ATP8A2: variants seen among roughly 807,000 people sequenced by gnomAD.
The protein encoded by ATP8A2 is phospholipid-transporting ATPase IB.
In ATP8A2, 100 loss-of-function variants were observed where a neutral mutation model predicts 165.6. That is an observed-to-expected ratio of 0.60 (90% confidence interval 0.51 to 0.71). ATP8A2 has a LOEUF of 0.71. Ranked by LOEUF, ATP8A2 falls within the 30% of genes least tolerant of loss-of-function variation. The pLI, the probability that ATP8A2 is intolerant of heterozygous loss-of-function variation, is 0.00. For synonymous variants in ATP8A2, 543 were observed against 548.8 expected, an observed-to-expected ratio of 0.99 and a Z score of 0.15; for missense variants, 1,227 against 1,479.5, an observed-to-expected ratio of 0.83 and a Z score of 2.80.
At chr13:25,422,450 G>A (rs755830952) in intron 1 of ATP8A2, among the ~76,000 whole-genome samples, 7 of 152,136 alleles carry the variant, frequency 4.6e-5, no homozygotes, top group Non-Finnish European at 5.9e-5. Flanking sequence ...TAAAATCCCC[G>A]TTGACATTGT....
At chr13:25,913,769 A>G (rs1027918501) in intron 33 of ATP8A2, among the ~76,000 whole-genome samples, 10 of 152,230 alleles carry the variant, frequency 6.6e-5, no homozygotes, top group African/African-American at 2.4e-4. Context: ...GAGTTAGGAA[A>G]TTAGTATAGT....
chr13:25,819,470 C>A (rs1404463039), intron 27 of ATP8A2, among the ~76,000 whole-genome samples: 1 of 152,100 alleles, frequency 6.6e-6, no homozygotes, highest in African/African-American at 2.4e-5. Context: ...CATTTCTGAT[C>A]TTTTTCCCTT....
intron 24 of ATP8A2, among the ~76,000 whole-genome samples, chr13:25,599,436 T>C (rs1481782967): frequency 1.3e-5 from 2 of 152,254 alleles, no homozygotes; most frequent in African/African-American, 2.4e-5. Context: ...TTGCCTGTTA[T>C]CCAGTGTCTG....
intron 16 of ATP8A2, among the ~76,000 whole-genome samples, chr13:25,567,961 G>A (rs1030732905): frequency 1.3e-5 from 2 of 152,134 alleles, no homozygotes; most frequent in Non-Finnish European, 2.9e-5. Flanking sequence ...GAGGATTTGC[G>A]GCTGCACATG....
chr13:25,600,755 T>C (rs2040362874), intron 24 of ATP8A2, among the ~76,000 whole-genome samples: 1 of 152,222 alleles, frequency 6.6e-6, no homozygotes, highest in South Asian at 2.1e-4. Context: ...ATAGAATTCA[T>C]GCAGCATCTT....
intron 1 of ATP8A2, among the ~76,000 whole-genome samples, chr13:25,434,102 C>T (rs1374471454): frequency 6.6e-6 from 1 of 151,880 alleles, no homozygotes; most frequent in East Asian, 1.9e-4. Flanking sequence ...GCACATGTAC[C>T]CCCGAATGTA....
At chr13:25,656,315 G>A (rs1278668646) in intron 24 of ATP8A2, among the ~76,000 whole-genome samples, 11 of 151,476 alleles carry the variant, frequency 7.3e-5, no homozygotes, top group African/African-American at 1.5e-4. Flanking sequence ...TTACTCTGTC[G>A]CCCAGGCTGG....
intron 33 of ATP8A2, among the ~76,000 whole-genome samples, chr13:25,902,160 A>G (rs1172575778): frequency 1.3e-5 from 2 of 152,182 alleles, no homozygotes; most frequent in Non-Finnish European, 2.9e-5. Flanking sequence ...AGATTGCTCA[A>G]CAGATCTACA....
intron 1 of ATP8A2, among the ~76,000 whole-genome samples, chr13:25,465,684 TTTC>T (rs1566153066): frequency 2.4e-3 from 31 of 13,154 alleles, no homozygotes; most frequent in African/African-American, 4.9e-3. Context: ...TCTTTCTTTC[TTTC>T]TTTCTTTCTT....
At chr13:25,545,696 G>A (rs145532607) in intron 10 of ATP8A2, among the ~76,000 whole-genome samples, 13 of 152,040 alleles carry the variant, frequency 8.6e-5, no homozygotes, top group Admixed American at 2.6e-4. Flanking sequence ...GTGTGGTGGC[G>A]CGATCTTGGC....
At chr13:25,717,902 G>A (rs1298001777) in intron 25 of ATP8A2, among the ~76,000 whole-genome samples, 5 of 152,140 alleles carry the variant, frequency 3.3e-5, no homozygotes, top group African/African-American at 7.2e-5. Flanking sequence ...CTCGCTTATC[G>A]ATGGCATTTT....
In ATP8A2 at chr13:25,630,294, C is replaced by T. The variant is rs545184013; in HGVS notation, c.2211+40595C>T. On this transcript the variant is annotated intron_variant, in intron 24 of 36. Transcript: ENST00000381655. ...TGCATTCATAGAACAATTTATAACT[C>T]ACACAGACCCATTCGTGAAAAGCCC... Among the ~76,000 whole-genome samples, 239 of 152,274 alleles carry T rather than the reference C, an allele frequency of 1.6e-3. 2 individuals carry two copies. The highest frequency in any genetic ancestry group is 4.9e-3 in the African/African-American group (205 of 41,548).
chr13:25,421,916 C>CT lies in ATP8A2; in HGVS notation c.77-47054dup, dbSNP rs541620544. 2.6e-5 allele frequency among the ~76,000 whole-genome samples: 4 copies of CT among 152,214 alleles called. No homozygotes were observed. The South Asian group carries it at 8.3e-4, about 32-fold the overall frequency. Reference sequence around the variant, plus strand: ...CTTTGAGGATATTTCCATTTCTTTCCTTTTTTTGCTTCTCTTAAATTCATC... The same window carrying CT: ...CTTTGAGGATATTTCCATTTCTTTCCTTTTTTTTGCTTCTCTTAAATTCATC... On this transcript the variant is annotated intron_variant, in intron 1 of 36. Coordinates refer to ENST00000381655, the MANE Select transcript of ATP8A2 (RefSeq NM_016529.6).
chr13:25,431,057 T>A (rs36162365), intron 1 of ATP8A2, among the ~76,000 whole-genome samples: 10 of 152,168 alleles, frequency 6.6e-5, no homozygotes, highest in Non-Finnish European at 1.3e-4. Context: ...GTGCATATGG[T>A]CTGTCTTCTG....
intron 33 of ATP8A2, among the ~76,000 whole-genome samples, chr13:25,913,951 G>A (rs1374379562): frequency 6.6e-6 from 1 of 152,058 alleles, no homozygotes; most frequent in Non-Finnish European, 1.5e-5. Flanking sequence ...CAGGATGTTT[G>A]TTCCCTGAGC....
rs781444709 is a variant in ATP8A2, at chr13:26,020,995, G to A, written c.*1010G>A. 1.3e-5 allele frequency: 2 copies of A among 152,212 alleles called. No homozygotes were observed. The highest frequency in any genetic ancestry group is 2.9e-5 in the Non-Finnish European group (2 of 68,084). 9.4% of individuals were successfully genotyped at this position (152,212 alleles called of 1,614,324 possible). A position where few individuals can be genotyped will look rare whatever the true frequency, so the allele number is the denominator to read the frequency against. ...CCAACATCCAGACTGCTGGGCCTTT[G>A]GCATCCACTTACATTAGAACCCACG... is the stretch of plus-strand genomic sequence containing the variant. On this transcript the variant is annotated 3_prime_UTR_variant, in exon 37 of 37. Coordinates refer to ENST00000381655, the MANE Select transcript of ATP8A2 (RefSeq NM_016529.6).
chr13:25,658,669 T>C (rs1666239992), intron 24 of ATP8A2, among the ~76,000 whole-genome samples: 1 of 152,202 alleles, frequency 6.6e-6, no homozygotes, highest in South Asian at 2.1e-4. Context: ...AGCTTCACTT[T>C]GTTTGCTTTT....
intron 30 of ATP8A2, among the ~76,000 whole-genome samples, chr13:25,859,518 G>A (rs1952279323): frequency 6.6e-6 from 1 of 151,246 alleles, no homozygotes; most frequent in African/African-American, 2.4e-5. Flanking sequence ...AACTCTATTA[G>A]CATTCTGCCT....
At chr13:25,886,151 A>G (rs1226298488) in intron 33 of ATP8A2, among the ~76,000 whole-genome samples, 1 of 152,246 alleles carries the variant, frequency 6.6e-6, no homozygotes, top group Non-Finnish European at 1.5e-5. Context: ...GCAATGTTAT[A>G]TCACGTCTTG....
Sources: gnomAD v4.1 joint callset for allele counts (sites outside exome capture counted in the v4.1 genomes callset) on GRCh38, gnomAD v4.1.1 for gene constraint, MANE v1.5 for transcripts, NCBI Gene and HGNC (gene_info 2026-07-23, HGNC 2026-07-21) for gene names.